The following ATP11A variants were observed in gnomAD, a reference collection of about 807,000 sequenced individuals.
The protein encoded by ATP11A is phospholipid-transporting ATPase IH.
ATP11A carries 81 observed loss-of-function variants against 154.4 expected under a neutral mutation model. That is an observed-to-expected ratio of 0.52 (90% CI 0.44 to 0.63). The LOEUF (loss-of-function observed/expected upper bound fraction) is 0.63. ATP11A is among the 30% of genes least tolerant of loss of function. The probability of loss-of-function intolerance (pLI) is 0.00; values close to 1 mark genes in which losing one functional copy is unlikely to be tolerated. For synonymous variants in ATP11A, 623 were observed against 585.9 expected (o/e 1.06, Z -0.91); for missense variants, 1,316 against 1,474.3 (o/e 0.89, Z 1.76).
At chr13:112,765,236 A>T (rs1625013) in intron 1 of ATP11A, among the ~76,000 whole-genome samples, 27,003 of 146,542 alleles carry the variant, frequency 0.18, 2,795 homozygotes, top group African/African-American at 0.29. Flanking sequence ...GAGGAGGAGC[A>T]GCAGGGGTGG....
At position 112,875,715 on chromosome 13, in the gene ATP11A, T is replaced by G; in HGVS notation, c.3162-61T>G. On this transcript the variant is annotated intron_variant, in intron 27 of 29. Coordinates refer to ENST00000375645, the MANE Select transcript of ATP11A (RefSeq NM_015205.3). This position sits in a 1 kb window ranked among gnomAD's most constrained non-coding sequence, Gnocchi z 4.1. ...CTGAACAGACGGCCTCTCCAGTGAG[T>G]AGAGAGGCCAGCCCCAGGGAGTACA... 6.4e-7 allele frequency: 1 copy of G among 1,564,090 alleles called. No homozygotes were observed. Among genetic ancestry groups the G allele is most frequent in the Non-Finnish European group, 8.7e-7 (1 of 1,146,246 alleles).
intron 1 of ATP11A, among the ~76,000 whole-genome samples, chr13:112,771,446 G>A (rs112582660): frequency 0.027 from 4,143 of 152,248 alleles, 189 homozygotes; most frequent in African/African-American, 0.093. Flanking sequence ...TAAATCCGGA[G>A]GACACAGCTG....
At chr13:112,856,453 A>G (rs1271086129) in intron 20 of ATP11A, 1 of 163,060 alleles carries the variant, frequency 6.1e-6, no homozygotes, top group Non-Finnish European at 1.3e-5. Flanking sequence ...CCTCCTACAG[A>G]TACGAATGCA....
At chr13:112,703,501 A>C (rs560434810) in intron 1 of ATP11A, among the ~76,000 whole-genome samples, 108 of 152,366 alleles carry the variant, frequency 7.1e-4, no homozygotes, top group African/African-American at 2.6e-3. Context: ...CGGAAATGGC[A>C]AAGAGGACAG....
chr13:112,730,999 G>A (rs1022981608), intron 1 of ATP11A, among the ~76,000 whole-genome samples: 4 of 152,078 alleles, frequency 2.6e-5, no homozygotes, highest in Admixed American at 6.5e-5. Context: ...GCTGTGGCGC[G>A]ATCTCTGCTC....
At chr13:112,710,455 C>G (rs909017398) in intron 1 of ATP11A, among the ~76,000 whole-genome samples, 4 of 152,146 alleles carry the variant, frequency 2.6e-5, no homozygotes, top group African/African-American at 9.7e-5. Flanking sequence ...TTTCCCTTCT[C>G]CTGTACCACT....
chr13:112,819,343 G>C lies in ATP11A; in HGVS notation c.610G>C (p.Glu204Gln), dbSNP rs1395324260. The C allele has an allele frequency of 1.2e-6, 2 of 1,614,214 alleles. No homozygotes were observed. The highest frequency in any genetic ancestry group is 8.5e-7 in the Non-Finnish European group (1 of 1,180,042). ...AVQDTKGFHT[E>Q]EDIGGLHATI... ...CCAGGACACCAAAGGCTTCCACACA[G>C]AGGAGGATATCGGCGGACTTCACGC... The change falls in exon 7 of 30, where the codon GAG becomes CAG. Residue 204 changes from glutamate to glutamine, a missense_variant. Physicochemically the swap from Glu to Gln is conservative, Grantham distance 29. Transcript: ENST00000375645.
At chr13:112,773,255 G>T (rs1289152383) in intron 1 of ATP11A, among the ~76,000 whole-genome samples, 3 of 152,154 alleles carry the variant, frequency 2.0e-5, no homozygotes, top group Admixed American at 2.0e-4. Context: ...AGAACAGAAT[G>T]CAGGCTGTAA....
At position 112,753,537 on chromosome 13, in the gene ATP11A, TCTC is replaced by T. The variant is rs1358825980; in HGVS notation, c.40-31595_40-31593del. ...TCCTGTTGTGGTTTTATCTTGTACTTCTCCTGCTAACAGGCAGGTTGAGAATCT... is the reference window on the plus strand; with the variant it reads ...TCCTGTTGTGGTTTTATCTTGTACTTCTGCTAACAGGCAGGTTGAGAATCT... On this transcript the variant is annotated intron_variant, in intron 1 of 29. Coordinates refer to ENST00000375645, the MANE Select transcript of ATP11A (RefSeq NM_015205.3). The surrounding 1 kb of genome is among the most constrained non-coding windows in gnomAD (Gnocchi z 4.1). 2.6e-5 allele frequency among the ~76,000 whole-genome samples: 4 copies of T among 152,226 alleles called. No homozygotes were observed. The highest frequency in any genetic ancestry group is 4.4e-5 in the Non-Finnish European group (3 of 68,046).
rs142775962 is a variant in ATP11A, at chr13:112,725,395, C to T, written c.39+34940C>T. 5.8e-4 allele frequency among the ~76,000 whole-genome samples: 89 copies of T among 152,314 alleles called. No individual in the cohort carries two copies. The East Asian group carries it at 0.017, about 29-fold the overall frequency. On this transcript the variant is annotated intron_variant, in intron 1 of 29. Transcript: ENST00000375645. ...TCTCAGCCCTCACCAGCCCACTGCC[C>T]GGGCATGCACCAGCCTCCTTCGCCC...
chr13:112,721,121 G>A (rs189788779), intron 1 of ATP11A, among the ~76,000 whole-genome samples: 26 of 152,308 alleles, frequency 1.7e-4, no homozygotes, highest in East Asian at 1.2e-3. Context: ...TCCTCTGTCC[G>A]GTCAGAAGTG....
intron 1 of ATP11A, among the ~76,000 whole-genome samples, chr13:112,749,821 G>A (rs1269371447): frequency 1.5e-5 from 2 of 135,958 alleles, no homozygotes; most frequent in South Asian, 2.5e-4. Context: ...TCAGCCTCTC[G>A]TGAATTTCTG....
chr13:112,823,551 A>T (rs1480219621), intron 9 of ATP11A, 142 bp downstream of exon 9: 2 of 632,210 alleles, frequency 3.2e-6, no homozygotes, highest in Non-Finnish European at 5.5e-6. Context: ...GTTCTGCCCC[A>T]CTGAGATTTG....
chr13:112,706,483 T>C (rs186243623), intron 1 of ATP11A, among the ~76,000 whole-genome samples: 207 of 152,332 alleles, frequency 1.4e-3, no homozygotes, highest in Admixed American at 3.1e-3. Flanking sequence ...AACGAGGATG[T>C]TTTCTGTGGC....
At chr13:112,806,173 G>A in intron 3 of ATP11A, 40 bp from the exon 4 acceptor site, 1 of 1,511,970 alleles carries the variant, frequency 6.6e-7, no homozygotes, top group Non-Finnish European at 9.2e-7. Flanking sequence ...TCACTCATTT[G>A]TGTTTTTGAA....
At position 112,815,790 on chromosome 13, in the gene ATP11A, C is replaced by T. The variant is rs2078629216; in HGVS notation, c.442-293C>T. 2.0e-5 allele frequency among the ~76,000 whole-genome samples: 3 copies of T among 152,182 alleles called. 1 individual carries two copies. In the South Asian group the frequency reaches 6.2e-4, roughly 31 times the overall value. On this transcript the variant is annotated intron_variant, in intron 5 of 29. Transcript: ENST00000375645. ...CAAAGCTTCTCACAGGAGTACTTCC[C>T]ACTTGGCCACGCTCACAGAACACTC...
intron 1 of ATP11A, among the ~76,000 whole-genome samples, chr13:112,756,904 C>CGGGGCCTGCTCCCAGCGT (rs1566434789): frequency 3.3e-5 from 5 of 151,816 alleles, no homozygotes; most frequent in African/African-American, 9.7e-5. Context: ...GCTCCCAGCG[C>CGGGGCCTGCTCCCAGCGT]GGGGCCTGCT....
At chr13:112,839,684 C>T (rs2079339735) in intron 16 of ATP11A, among the ~76,000 whole-genome samples, 1 of 152,192 alleles carries the variant, frequency 6.6e-6, no homozygotes, top group Admixed American at 6.5e-5. Context: ...AACTTTTGCT[C>T]TGTCCTCTGG....
At chr13:112,766,782 T>G (rs2139912893) in intron 1 of ATP11A, among the ~76,000 whole-genome samples, 8 of 143,506 alleles carry the variant, frequency 5.6e-5, no homozygotes, top group Admixed American at 1.4e-4. Context: ...TGGATTCCTG[T>G]GAGGAGGATG....
Sources: allele counts gnomAD v4.1 joint callset (sites outside exome capture counted in the v4.1 genomes callset), GRCh38; gene constraint gnomAD v4.1.1; non-coding constraint Gnocchi (gnomAD v3.1); transcripts MANE v1.5; gene names NCBI Gene and HGNC (gene_info 2026-07-23, HGNC 2026-07-21).